The following TPTE2 variants were observed in gnomAD, a reference collection of about 807,000 sequenced individuals.
TPTE2 encodes phosphatidylinositol 3,4,5-trisphosphate 3-phosphatase TPTE2.
Under a neutral mutation model 78.6 loss-of-function variants are expected in TPTE2, and 53 were observed. The observed-to-expected ratio is 0.67, with a 90% CI of 0.54 to 0.85. The LOEUF (loss-of-function observed/expected upper bound fraction) is 0.85. Among genes scored for constraint, TPTE2 ranks in the 40% least tolerant of loss-of-function variants. TPTE2 has a pLI of 0.00. For missense variants in TPTE2, 461 were observed against 623.0 expected (o/e 0.74, Z 2.77); for synonymous variants, 175 against 206.2 (o/e 0.85, Z 1.30).
intron 10 of TPTE2, among the ~76,000 whole-genome samples, chr13:19,460,597 C>A (rs917258700): frequency 6.6e-6 from 1 of 152,092 alleles, no homozygotes; most frequent in Non-Finnish European, 1.5e-5. Context: ...ATAATCCATC[C>A]ATGTTCTCTA....
intron 13 of TPTE2, among the ~76,000 whole-genome samples, chr13:19,442,792 G>A (rs1225920240): frequency 1.3e-5 from 2 of 152,078 alleles, no homozygotes; most frequent in East Asian, 1.9e-4. Context: ...CAAGACATTT[G>A]CAAAGTTAAA....
chr13:19,540,037 G>C (rs377270804), upstream of TPTE2, among the ~76,000 whole-genome samples: 1 of 152,006 alleles, frequency 6.6e-6, no homozygotes, highest in East Asian at 1.9e-4. Flanking sequence ...CCAGCTACTC[G>C]GGAGGCTGAG....
intron 14 of TPTE2, among the ~76,000 whole-genome samples, chr13:19,437,693 A>T (rs946285830): frequency 1.4e-4 from 21 of 152,154 alleles, no homozygotes; most frequent in Non-Finnish European, 1.9e-4. Flanking sequence ...TTTCTGTGTA[A>T]CATGACTTTA....
At chr13:19,536,517 G>A (rs1871219823) in intron 1 of TPTE2, 1 of 152,106 alleles carries the variant, frequency 6.6e-6, no homozygotes. Flanking sequence ...CACATTTATA[G>A]CTAAGAAAGT....
intron 10 of TPTE2, among the ~76,000 whole-genome samples, chr13:19,463,004 G>C (rs531355056): frequency 6.7e-6 from 1 of 149,544 alleles, no homozygotes; most frequent in Non-Finnish European, 1.5e-5. Context: ...TTTTTTTTCA[G>C]ACAGGGTATC....
the TPTE2 span, among the ~76,000 whole-genome samples, chr13:19,546,840 T>G: frequency 2.0e-5 from 3 of 151,030 alleles, no homozygotes; most frequent in Non-Finnish European, 4.4e-5. Context: ...AAAAACCCAA[T>G]GGAGAGGTTG....
At chr13:19,433,026 A>G (rs1327739039) in intron 15 of TPTE2, among the ~76,000 whole-genome samples, 3 of 151,940 alleles carry the variant, frequency 2.0e-5, no homozygotes, top group African/African-American at 7.3e-5. Context: ...GTTTCCCGTC[A>G]CTCTTCTCTT....
intron 4 of TPTE2, among the ~76,000 whole-genome samples, chr13:19,480,207 G>A (rs1450143225): frequency 6.6e-6 from 1 of 152,084 alleles, no homozygotes; most frequent in Non-Finnish European, 1.5e-5. Flanking sequence ...AGACTCTGGG[G>A]GTAGGGAGGT....
intron 1 of TPTE2, among the ~76,000 whole-genome samples, chr13:19,519,760 G>C (rs573187481): frequency 6.6e-6 from 1 of 152,272 alleles, no homozygotes; most frequent in African/African-American, 2.4e-5. Flanking sequence ...TGGTTATTCA[G>C]AGTCCCTTGC....
At chr13:19,479,819 T>C (rs1018172151) in intron 4 of TPTE2, among the ~76,000 whole-genome samples, 6 of 151,886 alleles carry the variant, frequency 4.0e-5, no homozygotes, top group Non-Finnish European at 5.9e-5. Context: ...AAAAATTAGC[T>C]GGGCGTGGTG....
chr13:19,549,538 T>A, the TPTE2 span, among the ~76,000 whole-genome samples: 3 of 151,696 alleles, frequency 2.0e-5, no homozygotes, highest in African/African-American at 7.3e-5. Flanking sequence ...ATTGGAATGC[T>A]TATACACTGT....
At chr13:19,557,746 C>T in the TPTE2 span, among the ~76,000 whole-genome samples, 3 of 152,066 alleles carry the variant, frequency 2.0e-5, no homozygotes, top group Non-Finnish European at 4.4e-5. Context: ...AAATATTCAA[C>T]TATTATACCA....
upstream of TPTE2, among the ~76,000 whole-genome samples, chr13:19,537,665 CTGT>C: frequency 4.0e-5 from 6 of 151,698 alleles, no homozygotes; most frequent in African/African-American, 1.4e-4. Flanking sequence ...TGCAGTGGTA[CTGT>C]GTTGGCTCAC....
intron 2 of TPTE2, among the ~76,000 whole-genome samples, chr13:19,493,237 C>T (rs546200746): frequency 7.9e-5 from 12 of 151,772 alleles, no homozygotes; most frequent in African/African-American, 2.9e-4. Context: ...TTTCACAAAC[C>T]TCCATCAGTC....
chr13:19,426,301 A>G, intron 18 of TPTE2, 124 bp downstream of exon 21: 1 of 707,152 alleles, frequency 1.4e-6, no homozygotes. Flanking sequence ...AATTTGTTAT[A>G]GATCTGATTT....
intron 17 of TPTE2, among the ~76,000 whole-genome samples, chr13:19,429,118 G>T (rs1662589636): frequency 6.6e-6 from 1 of 152,218 alleles, no homozygotes; most frequent in Non-Finnish European, 1.5e-5. Flanking sequence ...AACTGGCTCT[G>T]ACCATGGGCA....
intron 1 of TPTE2, among the ~76,000 whole-genome samples, chr13:19,519,947 T>C (rs1203604238): frequency 6.6e-6 from 1 of 152,112 alleles, no homozygotes; most frequent in East Asian, 1.9e-4. Flanking sequence ...TTAATCACTT[T>C]CAATAATGTT....
At chr13:19,520,553 C>T (rs1172109623) in intron 1 of TPTE2, among the ~76,000 whole-genome samples, 7 of 151,548 alleles carry the variant, frequency 4.6e-5, no homozygotes, top group African/African-American at 1.7e-4. Flanking sequence ...TTTCACATAA[C>T]TTTTGGTTTT....
intron 1 of TPTE2, among the ~76,000 whole-genome samples, chr13:19,499,356 G>C (rs1881608377): frequency 6.6e-6 from 1 of 151,884 alleles, no homozygotes; most frequent in African/African-American, 2.4e-5. Flanking sequence ...ATTCTTCTCA[G>C]CACCACACCA....
Sources: allele counts gnomAD v4.1 joint callset (sites outside exome capture counted in the v4.1 genomes callset), GRCh38; gene constraint gnomAD v4.1.1; transcripts MANE v1.5; gene names NCBI Gene and HGNC (gene_info 2026-07-23, HGNC 2026-07-21).